ARMH1: variants seen among roughly 807,000 people sequenced by gnomAD.
ARMH1 encodes armadillo-like helical domain containing protein 1.
ARMH1 carries 34 observed loss-of-function variants against 50.2 expected under a neutral mutation model. That is an observed-to-expected ratio of 0.68 (90% CI 0.51 to 0.90). The LOEUF (loss-of-function observed/expected upper bound fraction) is 0.90, where lower values mean the gene tolerates loss of function less well. ARMH1 is among the 40% of genes least tolerant of loss of function. The pLI, the probability that ARMH1 is intolerant of heterozygous loss-of-function variation, is 0.00. For missense variants in ARMH1, 538 were observed against 553.9 expected (o/e 0.97, Z 0.29); for synonymous variants, 221 against 224.2 (o/e 0.99, Z 0.13).
At chr1:44,679,748 T>TCCCAAAGG (rs1645247727) in intron 1 of ARMH1, among the ~76,000 whole-genome samples, 1 of 152,216 alleles carries the variant, frequency 6.6e-6, no homozygotes, top group Admixed American at 6.5e-5. Context: ...AGTTGGTAGT[T>TCCCAAAGG]TTATGGACCT....
chr1:44,721,143 A>G (rs1647096511), intron 6 of ARMH1, among the ~76,000 whole-genome samples: 1 of 152,128 alleles, frequency 6.6e-6, no homozygotes, highest in Non-Finnish European at 1.5e-5. Context: ...GTTGGACCCC[A>G]GAAGACAGTA....
chr1:44,680,797 G>A (rs1645283146), intron 1 of ARMH1, among the ~76,000 whole-genome samples: 1 of 152,124 alleles, frequency 6.6e-6, no homozygotes, highest in African/African-American at 2.4e-5. Context: ...GAAGTTGGAA[G>A]CAAAGTTATC....
intron 4 of ARMH1, among the ~76,000 whole-genome samples, chr1:44,700,471 C>A (rs532609487): frequency 1.9e-4 from 29 of 151,998 alleles, no homozygotes; most frequent in Middle Eastern, 3.4e-3. Context: ...CAAAAATTAG[C>A]CAGGCCTGGT....
In ARMH1 at chr1:44,681,769, T is replaced by C. The variant is rs1255800489; in HGVS notation, c.-23+6896T>C. ...CAAAAGTAGGCCTTCTGAGAATAGA[T>C]GGAAGAGGTGGGAAGGTAAGGAGCT... On this transcript the variant is annotated intron_variant, in intron 1 of 11. Coordinates refer to ENST00000535358, the MANE Select transcript of ARMH1 (RefSeq NM_001145636.2). This position sits in a 1 kb window ranked among gnomAD's most constrained non-coding sequence, Gnocchi z 4.3. Among the ~76,000 whole-genome samples, 2 of 152,132 alleles carry C rather than the reference T, an allele frequency of 1.3e-5. No individual in the cohort carries two copies. Among genetic ancestry groups the C allele is most frequent in the African/African-American group, 4.8e-5 (2 of 41,414 alleles).
chr1:44,723,897 G>T, intron 6 of ARMH1: 1 of 514,306 alleles, frequency 1.9e-6, no homozygotes, highest in Non-Finnish European at 3.4e-6. Flanking sequence ...ATCCTAGGCC[G>T]CCTCGACAGG....
At position 44,701,071 on chromosome 1, in the gene ARMH1, G is replaced by A; in HGVS notation, c.591G>A (p.Glu197=). The change falls in exon 5 of 12, where the codon GAG becomes GAA. Residue 197 remains glutamate, a synonymous_variant. Coordinates refer to ENST00000535358, the MANE Select transcript of ARMH1 (RefSeq NM_001145636.2). Reference sequence around the variant, plus strand: ...GTCTAATAGCTTTGCTGCCCTGCGAGTCCCCAAAAGCCCAGCAGCTGTCCC... The same window carrying A: ...GTCTAATAGCTTTGCTGCCCTGCGAATCCCCAAAAGCCCAGCAGCTGTCCC... The part of the protein sequence containing the change: ...YKGLIALLPC[E]SPKAQQLSLQ... 6 of 1,551,726 alleles carry A rather than the reference G, an allele frequency of 3.9e-6. No individual in the cohort carries two copies. The highest frequency in any genetic ancestry group is 5.2e-6 in the Non-Finnish European group (6 of 1,147,000).
intron 6 of ARMH1, among the ~76,000 whole-genome samples, chr1:44,705,449 C>T (rs534777295): frequency 6.6e-6 from 1 of 151,820 alleles, no homozygotes; most frequent in South Asian, 2.1e-4. Context: ...GCCGAGATCT[C>T]GCCACTGCAC....
intron 6 of ARMH1, 49 bp downstream of exon 6, chr1:44,704,222 C>A: frequency 7.3e-7 from 1 of 1,373,628 alleles, no homozygotes; most frequent in Non-Finnish European, 1.0e-6. Flanking sequence ...CCAGACATAT[C>A]AGCTCTCAAA....
intron 1 of ARMH1, among the ~76,000 whole-genome samples, chr1:44,687,753 A>C (rs1645521924): frequency 6.6e-6 from 1 of 152,120 alleles, no homozygotes; most frequent in South Asian, 2.1e-4. Flanking sequence ...CACATACATA[A>C]GATTTACAGC....
At chr1:44,686,640 C>T (rs1207355837) in intron 1 of ARMH1, among the ~76,000 whole-genome samples, 1 of 152,006 alleles carries the variant, frequency 6.6e-6, no homozygotes, top group East Asian at 1.9e-4. Flanking sequence ...CACACCACTG[C>T]ACTCCAGCCT....
At position 44,725,364 on chromosome 1, in the gene ARMH1, C is replaced by T. The variant is rs1648147872; in HGVS notation, c.1284C>T (p.Tyr428=). Residue 428 remains tyrosine (Y), a synonymous_variant, in exon 12 of 12, where the codon TAC becomes TAT. Transcript: ENST00000535358. ...YGSRDSAQMA[Y]LTHFEEDVES... ...CGCGCGATTCGGCTCAGATGGCCTA[C>T]CTCACACACTTCGAGGAGGATGTAG... The T allele has an allele frequency of 1.9e-6, 3 of 1,551,628 alleles. No homozygotes were observed. Among genetic ancestry groups the T allele is most frequent in the African/African-American group, 2.7e-5 (2 of 73,044 alleles).
rs1398841342 is a variant in ARMH1 at position 44,725,116 on chromosome 1, C to T, written c.1129-20C>T. The T allele has an allele frequency of 2.6e-6, 4 of 1,551,672 alleles. No individual in the cohort carries two copies. Among genetic ancestry groups the T allele is most frequent in the Non-Finnish European group, 3.5e-6 (4 of 1,146,920 alleles). ...ACTGCCCTGGCACCCCAGCCGGGTC[C>T]CCCTTGCTCCTGTCCTCAGAGCAAC... On this transcript the variant is annotated intron_variant, in intron 10 of 11. Coordinates refer to ENST00000535358, the MANE Select transcript of ARMH1 (RefSeq NM_001145636.2).
intron 6 of ARMH1, among the ~76,000 whole-genome samples, chr1:44,705,021 G>A (rs1041676382): frequency 2.0e-5 from 3 of 150,538 alleles, no homozygotes; most frequent in Non-Finnish European, 1.5e-5. Context: ...TTTTTTAGTG[G>A]AGACGAGGTT....
At chr1:44,675,781 G>A (rs766389488) in intron 1 of ARMH1, among the ~76,000 whole-genome samples, 148 of 152,070 alleles carry the variant, frequency 9.7e-4, no homozygotes, top group Non-Finnish European at 1.7e-3. Context: ...CCAACATGGC[G>A]AAACCCCATC....
intron 2 of ARMH1, among the ~76,000 whole-genome samples, chr1:44,691,087 G>A (rs1041345217): frequency 3.3e-5 from 5 of 151,842 alleles, no homozygotes; most frequent in Admixed American, 6.6e-5. Flanking sequence ...GGGAAACCCC[G>A]TCTCTACTAC....
chr1:44,699,703 C>T (rs1201473731), intron 4 of ARMH1, among the ~76,000 whole-genome samples: 3 of 152,064 alleles, frequency 2.0e-5, no homozygotes, highest in Admixed American at 6.6e-5. Flanking sequence ...CCACCCACCT[C>T]GGCCTCCCAA....
rs573777475 is a variant in ARMH1, at chr1:44,724,116, C to T, written c.725-6C>T. The stretch of plus-strand genomic sequence containing the variant: ...GCCTCTCTCCAGCACCTCTGCCCTT[C>T]CGCAGCCATCGAGTTGATCAAAGAC... On this transcript the variant is annotated splice_polypyrimidine_tract_variant and splice_region_variant and intron_variant, in intron 6 of 11. Transcript: ENST00000535358. This position sits in a 1 kb window ranked among gnomAD's most constrained non-coding sequence, Gnocchi z 6.4. The T allele has an allele frequency of 3.0e-5, 46 of 1,551,254 alleles. No individual in the cohort carries two copies. In the African/African-American group the frequency reaches 5.6e-4, roughly 19 times the overall value.
At chr1:44,708,972 C>A (rs1214741115) in intron 6 of ARMH1, among the ~76,000 whole-genome samples, 1 of 152,028 alleles carries the variant, frequency 6.6e-6, no homozygotes, top group Non-Finnish European at 1.5e-5. Context: ...TTAAAAGAGC[C>A]CCTCTTTGAG....
rs2148648208 is a variant in ARMH1 at position 44,697,760 on chromosome 1, C to A, written c.276-303C>A. ...AGGGTGACATACCCTGTCACCTCCT[C>A]ACCCCACCAAAACTACATGGCCCAT... On this transcript the variant is annotated intron_variant, in intron 3 of 11. Coordinates refer to ENST00000535358, the MANE Select transcript of ARMH1 (RefSeq NM_001145636.2). Among the ~76,000 whole-genome samples the A allele has an allele frequency of 2.7e-5, 4 of 150,794 alleles. No individual in the cohort carries two copies. The Middle Eastern group carries it at 0.014, about 516-fold the overall frequency.
Sources: gnomAD v4.1 joint callset for allele counts (sites outside exome capture counted in the v4.1 genomes callset) on GRCh38, gnomAD v4.1.1 for gene constraint, Gnocchi (gnomAD v3.1) non-coding constraint, MANE v1.5 for transcripts, NCBI Gene and HGNC (gene_info 2026-07-23, HGNC 2026-07-21) for gene names.